The following FAM13A variants were observed in gnomAD, a reference collection of about 807,000 sequenced individuals.
The protein encoded by FAM13A is family with sequence similarity 13 member A, also known as protein FAM13A.
In FAM13A, 76 loss-of-function variants were observed where a neutral mutation model predicts 129.6. The observed-to-expected ratio is 0.59, with a 90% CI of 0.49 to 0.71. FAM13A has a LOEUF of 0.71. Among genes scored for constraint, FAM13A ranks in the 30% least tolerant of loss-of-function variants. The pLI is 0.00. For missense variants in FAM13A, 1,108 were observed against 1,249.3 expected (o/e 0.89, Z 1.70); for synonymous variants, 443 against 449.9 (o/e 0.98, Z 0.20).
intron 8 of FAM13A, among the ~76,000 whole-genome samples, chr4:88,795,201 T>C (rs1323007052): frequency 6.6e-6 from 1 of 151,804 alleles, no homozygotes; most frequent in African/African-American, 2.4e-5. Flanking sequence ...CATAATATAC[T>C]AGAATATAAA....
At chr4:88,997,567 AATTAT>A (rs763789090) in intron 3 of FAM13A, among the ~76,000 whole-genome samples, 102 of 37,736 alleles carry the variant, frequency 2.7e-3, no homozygotes, top group East Asian at 7.1e-3. Context: ...AAAAAAAAAA[AATTAT>A]AATTATAATC....
In FAM13A at chr4:89,057,004, C is replaced by A. The variant is rs756741800; in HGVS notation, c.-40G>T. ...TCTGGAAGAACTGAGGAAGACCAGA[C>A]GAAAATATTAAAACGACAGCAAAAT... On this transcript the variant is annotated 5_prime_UTR_variant, in exon 1 of 24. Coordinates refer to ENST00000264344, the MANE Select transcript of FAM13A (RefSeq NM_014883.4). 7 of 1,610,192 alleles carry A rather than the reference C, an allele frequency of 4.3e-6. No individual in the cohort carries two copies. The highest frequency in any genetic ancestry group is 3.3e-5 in the South Asian group (3 of 90,516).
rs531717211 is a variant in FAM13A, at chr4:88,860,264, A to G, written c.844-9081T>C. Among the ~76,000 whole-genome samples, 12 of 152,308 alleles carry G rather than the reference A, an allele frequency of 7.9e-5. No individual in the cohort carries two copies. The South Asian group carries it at 2.5e-3, about 32-fold the overall frequency. ...ATTATCTCACTCTTCTAGCATAAAT[A>G]TTATGGGGAAAAATTAAGCAGCCCA... On this transcript the variant is annotated intron_variant, in intron 6 of 23. Coordinates refer to ENST00000264344, the MANE Select transcript of FAM13A (RefSeq NM_014883.4).
chr4:88,965,958 T>C (rs1477498818), intron 4 of FAM13A, among the ~76,000 whole-genome samples: 1 of 152,192 alleles, frequency 6.6e-6, no homozygotes, highest in Admixed American at 6.5e-5. Context: ...CATTCATCCA[T>C]CCATGGACAC....
chr4:88,814,724 T>C (rs966692557), intron 7 of FAM13A, among the ~76,000 whole-genome samples: 4 of 152,228 alleles, frequency 2.6e-5, no homozygotes, highest in African/African-American at 7.2e-5. Flanking sequence ...GTATCTATTA[T>C]GTTTTTTTCT....
intron 11 of FAM13A, among the ~76,000 whole-genome samples, chr4:88,769,762 G>A (rs1302977219): frequency 6.6e-6 from 1 of 151,910 alleles, no homozygotes; most frequent in Non-Finnish European, 1.5e-5. Context: ...AACCTGGGAG[G>A]TGGAGGTTGC....
At chr4:88,919,875 A>C (rs1016272181) in intron 5 of FAM13A, among the ~76,000 whole-genome samples, 1 of 152,270 alleles carries the variant, frequency 6.6e-6, no homozygotes, top group African/African-American at 2.4e-5. Flanking sequence ...GGGCTTAAAA[A>C]ATGGCGCACC....
intron 6 of FAM13A, among the ~76,000 whole-genome samples, chr4:88,893,251 T>C (rs958213798): frequency 1.3e-5 from 2 of 152,142 alleles, no homozygotes; most frequent in African/African-American, 4.8e-5. Context: ...ATGACACAGA[T>C]CCAAAACAGG....
intron 6 of FAM13A, among the ~76,000 whole-genome samples, chr4:88,870,061 C>T (rs1404118469): frequency 3.3e-5 from 5 of 151,736 alleles, no homozygotes; most frequent in Non-Finnish European, 2.9e-5. Context: ...AGCCTTTGAT[C>T]TAAAGCACAT....
rs1742181263 is a variant in FAM13A at position 88,749,838 on chromosome 4, C to T, written c.2012G>A (p.Arg671Lys). ...GATCTTCTTTTTAAGGCTCTGAATC[C>T]TTCGTGTGAGCTGGGCAGGTGTCAG... ...EDLTPAQLTRRIQSLKKKIRK... is the reference protein window; with the variant it reads ...EDLTPAQLTRKIQSLKKKIRK... The change falls in exon 16 of 24, where the codon AGG (arginine) becomes AAG (lysine). Residue 671 changes from arginine to lysine, a missense_variant. This residue lies in a region of FAM13A where 529 missense variants were observed against 621.2 expected (regional missense o/e 0.85). Coordinates refer to ENST00000264344, the MANE Select transcript of FAM13A (RefSeq NM_014883.4). 1.2e-6 allele frequency: 2 copies of T among 1,614,000 alleles called. No homozygotes were observed. The highest frequency in any genetic ancestry group is 1.7e-6 in the Non-Finnish European group (2 of 1,180,012).
intron 4 of FAM13A, among the ~76,000 whole-genome samples, chr4:88,943,295 C>G (rs1246642): frequency 6.6e-6 from 1 of 152,020 alleles, no homozygotes; most frequent in African/African-American, 2.4e-5. Context: ...TTAGGCTTAT[C>G]TGAGATGTTA....
intron 5 of FAM13A, among the ~76,000 whole-genome samples, chr4:88,918,418 T>C (rs909575971): frequency 8.5e-5 from 13 of 152,210 alleles, no homozygotes; most frequent in Admixed American, 7.9e-4. Context: ...ACAGAGAGTA[T>C]GAGTAACTTG....
intron 1 of FAM13A, among the ~76,000 whole-genome samples, chr4:89,040,865 T>G (rs1422494915): frequency 3.9e-5 from 6 of 152,264 alleles, no homozygotes; most frequent in African/African-American, 1.2e-4. Flanking sequence ...TCAGTCTGGG[T>G]GGGCACCATC....
At chr4:88,744,972 AATG>A in intron 19 of FAM13A, among the ~76,000 whole-genome samples, 1 of 152,190 alleles carries the variant, frequency 6.6e-6, no homozygotes, top group East Asian at 1.9e-4. Flanking sequence ...TCATATTCTT[AATG>A]ATAAGAGAGC....
chr4:89,013,326 G>GTATATATATATATA (rs146908296), intron 3 of FAM13A, among the ~76,000 whole-genome samples: 59 of 148,448 alleles, frequency 4.0e-4, no homozygotes, highest in African/African-American at 1.2e-3. Flanking sequence ...ATATAACACA[G>GTATATATATATATA]TATATATACA....
intron 2 of FAM13A, among the ~76,000 whole-genome samples, chr4:89,021,760 T>C (rs1767285541): frequency 6.6e-6 from 1 of 152,086 alleles, no homozygotes. Context: ...ACTGAGATTA[T>C]GGTGGAAAAG....
chr4:88,963,506 C>T (rs368880526), intron 4 of FAM13A, among the ~76,000 whole-genome samples: 5 of 152,076 alleles, frequency 3.3e-5, no homozygotes, highest in African/African-American at 4.8e-5. Flanking sequence ...TCATGTAGGC[C>T]GGGATGGTCT....
chr4:89,032,840 CTCAGT>C (rs1768885636), intron 1 of FAM13A, among the ~76,000 whole-genome samples: 1 of 152,164 alleles, frequency 6.6e-6, no homozygotes, highest in Non-Finnish European at 1.5e-5. Flanking sequence ...AAAGACAGGG[CTCAGT>C]CTCTCCACCA....
At chr4:88,965,520 G>A (rs1227799549) in intron 4 of FAM13A, among the ~76,000 whole-genome samples, 1 of 151,846 alleles carries the variant, frequency 6.6e-6, no homozygotes, top group Non-Finnish European at 1.5e-5. Flanking sequence ...CTAAAACACT[G>A]AAAAGAAACC....
Sources: gnomAD v4.1 joint callset for allele counts (sites outside exome capture counted in the v4.1 genomes callset) on GRCh38, gnomAD v4.1.1 for gene constraint, gnomAD v4.1.1 regional missense constraint, MANE v1.5 for transcripts, NCBI Gene and HGNC (gene_info 2026-07-23, HGNC 2026-07-21) for gene names.